PRRC2C: variants seen among roughly 807,000 people sequenced by gnomAD.
PRRC2C encodes the protein protein PRRC2C.
In PRRC2C, 72 loss-of-function variants were observed where a neutral mutation model predicts 317.2. That is an observed-to-expected ratio of 0.23 (90% CI 0.19 to 0.28). PRRC2C has a LOEUF of 0.28. Ranked by LOEUF, PRRC2C falls within the 10% of genes least tolerant of loss-of-function variation. PRRC2C has a pLI of 1.00. For synonymous variants in PRRC2C, 1,296 were observed against 1,205.9 expected (o/e 1.07, Z -1.55); for missense variants, 3,074 against 3,459.7 (o/e 0.89, Z 2.80).
intron 1 of PRRC2C, among the ~76,000 whole-genome samples, chr1:171,487,674 C>T (rs1666377086): frequency 6.6e-6 from 1 of 152,058 alleles, no homozygotes; most frequent in Non-Finnish European, 1.5e-5. Context: ...AATAGGACTT[C>T]CCTCAGAGGC....
rs747332781 is a variant in PRRC2C at position 171,583,977 on chromosome 1, A to G, written c.7431A>G (p.Gln2477=). ...GTAGATCTCAGCCAGCTTTTATGCA[A>G]AGCAGTTTATCCCAGCCATCTGTGG... is the stretch of plus-strand genomic sequence containing the variant. ...QPYRSQPAFM[Q]SSLSQPSVVL... Residue 2477 remains glutamine (Q), a synonymous_variant, in exon 29 of 35, where the codon CAA becomes CAG. Transcript: ENST00000647382. 2.5e-6 allele frequency: 4 copies of G among 1,606,596 alleles called. No homozygotes were observed. Among genetic ancestry groups the G allele is most frequent in the Non-Finnish European group, 3.4e-6 (4 of 1,176,706 alleles).
At position 171,584,027 on chromosome 1, in the gene PRRC2C, A is replaced by G. The variant is rs761443069; in HGVS notation, c.7481A>G (p.Asn2494Ser). Reference sequence around the variant, plus strand: ...GTCCTTTCTGGTACTGCTATTCACAACTTTCCAACTGTCCAACACCAAGAA... The same window carrying G: ...GTCCTTTCTGGTACTGCTATTCACAGCTTTCCAACTGTCCAACACCAAGAA... Reference protein sequence around the residue: ...SVVLSGTAIHNFPTVQHQELA... With the variant: ...SVVLSGTAIHSFPTVQHQELA... Residue 2494 changes from asparagine (N) to serine (S), a missense_variant, in exon 29 of 35, where the codon AAC becomes AGC. Asn to Ser is a conservative substitution (Grantham distance 46). Around this residue, in one of 11 missense-constraint regions of PRRC2C, gnomAD observed 490 missense variants for 663.1 expected, o/e 0.74. Coordinates refer to ENST00000647382, the MANE Select transcript of PRRC2C (RefSeq NM_001387844.1). 1.2e-5 allele frequency: 19 copies of G among 1,613,894 alleles called. No individual in the cohort carries two copies. The highest frequency in any genetic ancestry group is 1.6e-5 in the Non-Finnish European group (19 of 1,179,878).
At chr1:171,562,160 A>G (rs1031166380) in intron 20 of PRRC2C, among the ~76,000 whole-genome samples, 2 of 152,256 alleles carry the variant, frequency 1.3e-5, no homozygotes, top group African/African-American at 2.4e-5. Context: ...ATAAGAGAGT[A>G]TGCTATTCAA....
At chr1:171,543,330 A>G (rs1678378669) in intron 16 of PRRC2C, among the ~76,000 whole-genome samples, 1 of 152,102 alleles carries the variant, frequency 6.6e-6, no homozygotes, top group Admixed American at 6.5e-5. Flanking sequence ...CTCAAAAAAA[A>G]AAAAAAAAAA....
intron 15 of PRRC2C, 50 bp from the exon 16 acceptor site, chr1:171,539,921 A>G (rs1277776529): frequency 1.4e-6 from 2 of 1,451,896 alleles, no homozygotes; most frequent in Non-Finnish European, 9.4e-7. Flanking sequence ...ATACTTACGC[A>G]TGGGAAAGAT....
rs142910837 is a variant in PRRC2C, at chr1:171,517,746, C to T, written c.682C>T (p.Pro228Ser). Residue 228 changes from proline (P) to serine (S), a missense_variant, in exon 6 of 35, where the codon CCA (proline) becomes TCA (serine). This residue lies in a region of PRRC2C where 237 missense variants were observed against 199.5 expected (regional missense o/e 1.19). Coordinates refer to ENST00000647382, the MANE Select transcript of PRRC2C (RefSeq NM_001387844.1). ...VVEKRIACGP[P>S]QAKLNGQQAA... The stretch of plus-strand genomic sequence containing the variant: ...GGAAAAGAGGATAGCTTGTGGTCCT[C>T]CACAGGCTAAACTGAATGGACAGCA... The T allele has an allele frequency of 5.0e-6, 8 of 1,613,648 alleles. No homozygotes were observed. The highest frequency in any genetic ancestry group is 5.9e-6 in the Non-Finnish European group (7 of 1,179,870).
At chr1:171,517,008 T>C (rs1478404787) in intron 5 of PRRC2C, among the ~76,000 whole-genome samples, 1 of 152,208 alleles carries the variant, frequency 6.6e-6, no homozygotes, top group Non-Finnish European at 1.5e-5. Flanking sequence ...GGACTACACT[T>C]AGTGTAAATA....
chr1:171,514,251 A>AGTGT (rs758313835), intron 3 of PRRC2C, among the ~76,000 whole-genome samples: 4 of 131,748 alleles, frequency 3.0e-5, no homozygotes, highest in Non-Finnish European at 4.7e-5. Flanking sequence ...TTTAATTAAA[A>AGTGT]GTGTGTGTGT....
chr1:171,558,132 T>C lies in PRRC2C; in HGVS notation c.6020T>C (p.Ile2007Thr). The C allele has an allele frequency of 6.2e-7, 1 of 1,610,384 alleles. No individual in the cohort carries two copies. Residue 2007 changes from isoleucine (I) to threonine (T), a missense_variant, in exon 19 of 35, where the codon ATC becomes ACC. Ile to Thr is a moderately conservative substitution (Grantham distance 89). This residue lies in a region of PRRC2C where 640 missense variants were observed against 676.1 expected (regional missense o/e 0.95). Transcript: ENST00000647382. ...GCCCCACCAGCTGTGCTGAATGATA[T>C]CTCTAAGAAATGTAAGTTGCAAAAG... ...KVAPPAVLND[I>T]SKKLGPISPP...
rs1265844508 is a variant in PRRC2C at position 171,557,240 on chromosome 1, G to A, written c.5128G>A (p.Val1710Ile). ...AAATGGTCCCCGTTAATTTTTTAAGGTCTGGAACAAAAAGAATGCAAATGA... is the reference window on the plus strand; with the variant it reads ...AAATGGTCCCCGTTAATTTTTTAAGATCTGGAACAAAAAGAATGCAAATGA... ...RRKKEEQVIQVWNKKNANEKG... is the reference protein window; with the variant it reads ...RRKKEEQVIQIWNKKNANEKG... The change falls in exon 19 of 35, where the codon GTC becomes ATC. Residue 1710 changes from valine to isoleucine, a missense_variant and splice_region_variant. Around this residue, in one of 11 missense-constraint regions of PRRC2C, gnomAD observed 640 missense variants for 676.1 expected, o/e 0.95. Coordinates refer to ENST00000647382, the MANE Select transcript of PRRC2C (RefSeq NM_001387844.1). 6.5e-7 allele frequency: 1 copy of A among 1,542,166 alleles called. No individual in the cohort carries two copies. The highest frequency in any genetic ancestry group is 8.8e-7 in the Non-Finnish European group (1 of 1,142,762).
chr1:171,488,676 C>T (rs1279428592), intron 1 of PRRC2C, among the ~76,000 whole-genome samples: 1 of 152,154 alleles, frequency 6.6e-6, no homozygotes, highest in Non-Finnish European at 1.5e-5. Context: ...TATCAGAAAG[C>T]ATGTTTTGGG....
chr1:171,579,405 A>G lies in PRRC2C; in HGVS notation c.7211A>G (p.His2404Arg). The change falls in exon 27 of 35, where the codon CAT becomes CGT. Residue 2404 changes from histidine to arginine, a missense_variant. His to Arg is a conservative substitution (Grantham distance 29). Transcript: ENST00000647382. The part of the protein sequence containing the change: ...MDTSHLFNTQ[H>R]ARLAPPSLAQ... ...ACAAGTCATTTATTCAATACCCAACATGCACGATTGGCTCCGCCATCCTTG... is the reference window on the plus strand; with the variant it reads ...ACAAGTCATTTATTCAATACCCAACGTGCACGATTGGCTCCGCCATCCTTG... 5 of 1,613,960 alleles carry G rather than the reference A, an allele frequency of 3.1e-6. No homozygotes were observed. Among genetic ancestry groups the G allele is most frequent in the Non-Finnish European group, 4.2e-6 (5 of 1,179,878 alleles).
intron 1 of PRRC2C, among the ~76,000 whole-genome samples, chr1:171,497,913 C>A (rs2179141): frequency 0.81 from 121,584 of 150,956 alleles, 49,103 homozygotes; most frequent in Middle Eastern, 0.9. Context: ...CTCCTAGGCT[C>A]CAGTGAGCCT....
chr1:171,522,617 CAAAACAATTAGTCGGACGT>C (rs1673786775), intron 7 of PRRC2C: 1 of 156,886 alleles, frequency 6.4e-6, no homozygotes, highest in Non-Finnish European at 1.4e-5. Flanking sequence ...TAAAAAAGTA[CAAAACAATTAGTCGGACGT>C]GGTGGCGTGC....
chr1:171,544,430 A>G (rs891956771), intron 16 of PRRC2C, among the ~76,000 whole-genome samples: 13 of 152,194 alleles, frequency 8.5e-5, no homozygotes, highest in African/African-American at 2.9e-4. Flanking sequence ...GGCCCAACAC[A>G]TGAACTTTTG....
intron 1 of PRRC2C, among the ~76,000 whole-genome samples, chr1:171,495,055 A>C (rs1468251423): frequency 6.6e-6 from 1 of 152,234 alleles, no homozygotes; most frequent in African/African-American, 2.4e-5. Context: ...TAAACTGAAC[A>C]GTTTTTCCTT....
Position 171,535,527 on chromosome 1 carries a change from G to C in PRRC2C, c.1973G>C (p.Arg658Pro). ...GAACCAGAATCAGGGTCTCAACCTCGGCCGGCTGTATTATCTGGCTATTTC... is the reference window on the plus strand; with the variant it reads ...GAACCAGAATCAGGGTCTCAACCTCCGCCGGCTGTATTATCTGGCTATTTC... Reference protein sequence around the residue: ...ETEPESGSQPRPAVLSGYFKQ... With the variant: ...ETEPESGSQPPPAVLSGYFKQ... The change falls in exon 13 of 35, where the codon CGG becomes CCG. Residue 658 changes from arginine (R) to proline (P), a missense_variant. Physicochemically the swap from Arg to Pro is moderately radical, Grantham distance 103. This residue lies in a region of PRRC2C where 1,320 missense variants were observed against 1,395.7 expected (regional missense o/e 0.95). Transcript: ENST00000647382. 6.2e-7 allele frequency: 1 copy of C among 1,613,976 alleles called. No homozygotes were observed. The highest frequency in any genetic ancestry group is 8.5e-7 in the Non-Finnish European group (1 of 1,179,888).
intron 16 of PRRC2C, 61 bp from the exon 17 acceptor site, chr1:171,545,418 G>T: frequency 7.1e-7 from 1 of 1,402,762 alleles, no homozygotes; most frequent in South Asian, 1.3e-5. Context: ...CTGCCAATAA[G>T]AGCATTTTTC....
intron 28 of PRRC2C, among the ~76,000 whole-genome samples, chr1:171,583,261 C>A (rs1303755144): frequency 3.3e-5 from 5 of 152,112 alleles, no homozygotes; most frequent in African/African-American, 1.2e-4. Context: ...AGCATGAACA[C>A]CATGTCTGGC....
Sources: gnomAD v4.1 joint callset for allele counts (sites outside exome capture counted in the v4.1 genomes callset) on GRCh38, gnomAD v4.1.1 for gene constraint, gnomAD v4.1.1 regional missense constraint, MANE v1.5 for transcripts, NCBI Gene and HGNC (gene_info 2026-07-23, HGNC 2026-07-21) for gene names.